The following PTPRT variants were observed in gnomAD, a reference collection of about 807,000 sequenced individuals.
PTPRT encodes the protein receptor-type tyrosine-protein phosphatase T.
A neutral mutation model predicts 176.8 loss-of-function variants in PTPRT; 56 were observed. That is an observed-to-expected ratio of 0.32 (90% CI 0.26 to 0.40). PTPRT has a LOEUF of 0.40. PTPRT is among the 10% of genes least tolerant of loss of function. The pLI, the probability that PTPRT is intolerant of heterozygous loss-of-function variation, is 1.00. For synonymous variants in PTPRT, 783 were observed against 739.0 expected (o/e 1.06, Z -0.96); for missense variants, 1,540 against 1,908.2 (o/e 0.81, Z 3.60).
intron 7 of PTPRT, among the ~76,000 whole-genome samples, chr20:42,621,236 C>T (rs1017099229): frequency 1.3e-5 from 2 of 152,184 alleles, no homozygotes; most frequent in African/African-American, 4.8e-5. Flanking sequence ...TCCAGCTCCT[C>T]GGGCCTTGCC....
chr20:43,121,205 G>A, intron 1 of PTPRT, among the ~76,000 whole-genome samples: 1 of 151,784 alleles, frequency 6.6e-6, no homozygotes, highest in East Asian at 1.9e-4. Flanking sequence ...CATTATCTTT[G>A]CTGGATGGTA....
the PTPRT span, among the ~76,000 whole-genome samples, chr20:42,050,807 G>A: frequency 6.6e-6 from 1 of 152,180 alleles, no homozygotes; most frequent in Admixed American, 6.5e-5. Flanking sequence ...GAGCAGCTGA[G>A]GCTGCTGTGC....
At chr20:42,867,023 T>C (rs933666824) in intron 2 of PTPRT, among the ~76,000 whole-genome samples, 6 of 152,236 alleles carry the variant, frequency 3.9e-5, no homozygotes, top group African/African-American at 1.4e-4. Context: ...CATCCTACCA[T>C]GTAAGGACTA....
chr20:42,487,811 G>A (rs905582614), intron 7 of PTPRT, among the ~76,000 whole-genome samples: 4 of 152,152 alleles, frequency 2.6e-5, no homozygotes, highest in South Asian at 2.1e-4. Flanking sequence ...TTGTTATAGC[G>A]GCAAGACGAA....
intron 1 of PTPRT, among the ~76,000 whole-genome samples, chr20:43,080,702 C>T (rs892147193): frequency 1.8e-4 from 27 of 152,318 alleles, no homozygotes; most frequent in Middle Eastern, 6.8e-3. Context: ...CAACTAGTTA[C>T]CACCAACAGG....
chr20:42,801,764 A>C (rs898268481), intron 2 of PTPRT, among the ~76,000 whole-genome samples: 4 of 152,226 alleles, frequency 2.6e-5, no homozygotes, highest in African/African-American at 9.6e-5. Flanking sequence ...TAGGTGTCAG[A>C]CAGGGGAAAA....
intron 1 of PTPRT, among the ~76,000 whole-genome samples, chr20:43,002,035 C>T (rs1410851109): frequency 2.0e-5 from 3 of 152,200 alleles, no homozygotes; most frequent in East Asian, 1.9e-4. Flanking sequence ...ATTATGGGGG[C>T]GGCTTCCCCC....
chr20:42,752,993 G>A (rs1438517393), intron 6 of PTPRT, among the ~76,000 whole-genome samples: 1 of 152,176 alleles, frequency 6.6e-6, no homozygotes, highest in African/African-American at 2.4e-5. Context: ...GGCAGGGGGT[G>A]AGGGTAGGTT....
the PTPRT span, among the ~76,000 whole-genome samples, chr20:42,066,261 C>T: frequency 3.3e-5 from 5 of 151,882 alleles, no homozygotes; most frequent in East Asian, 1.9e-4. Context: ...AGGCTGGTCT[C>T]GAACTCCTGA....
At chr20:42,386,601 G>T (rs1441849691) in intron 9 of PTPRT, among the ~76,000 whole-genome samples, 1 of 152,114 alleles carries the variant, frequency 6.6e-6, no homozygotes, top group Non-Finnish European at 1.5e-5. Context: ...ATCCTGCAAA[G>T]TAAGAATTAT....
At chr20:42,072,122 C>G (rs1982371132), downstream of PTPRT, among the ~76,000 whole-genome samples, 1 of 152,022 alleles carries the variant, frequency 6.6e-6, no homozygotes, top group African/African-American at 2.4e-5. Context: ...TGGACTTTCT[C>G]TCTCTCATGC....
At chr20:42,635,890 T>C (rs1298144388) in intron 7 of PTPRT, among the ~76,000 whole-genome samples, 1 of 152,088 alleles carries the variant, frequency 6.6e-6, no homozygotes, top group Non-Finnish European at 1.5e-5. Context: ...GCAAGCTGAG[T>C]GTCCACATTG....
At chr20:42,494,115 G>GA (rs1360542615) in intron 7 of PTPRT, among the ~76,000 whole-genome samples, 1 of 152,064 alleles carries the variant, frequency 6.6e-6, no homozygotes, top group East Asian at 1.9e-4. Context: ...AGAGTAAAGA[G>GA]AGAGAAGCAG....
chr20:43,002,013 G>C (rs1223514172), intron 1 of PTPRT, among the ~76,000 whole-genome samples: 1 of 152,188 alleles, frequency 6.6e-6, no homozygotes, highest in East Asian at 1.9e-4. Context: ...AGACCTGGTA[G>C]GAAGTTATTG....
intron 12 of PTPRT, among the ~76,000 whole-genome samples, chr20:42,305,469 A>G (rs1053999041): frequency 6.6e-6 from 1 of 151,268 alleles, no homozygotes; most frequent in African/African-American, 2.5e-5. Context: ...ATATGCACAT[A>G]TGCTGAATTC....
At chr20:42,881,597 C>T (rs975304395) in intron 2 of PTPRT, among the ~76,000 whole-genome samples, 3 of 151,842 alleles carry the variant, frequency 2.0e-5, no homozygotes, top group African/African-American at 4.8e-5. Context: ...TGGCGATGTG[C>T]GCCTGTAGTC....
In PTPRT at chr20:42,199,230, C is replaced by A. The variant is rs761669184; in HGVS notation, c.2491+10G>T. On this transcript the variant is annotated intron_variant, in intron 16 of 30. Transcript: ENST00000373187. ...CGGATGTCCCCTTCCCCTTTGTTGG[C>A]TCTACTTACTGAATCCGTTGACGTC... The A allele has an allele frequency of 2.5e-6, 4 of 1,613,362 alleles. No homozygotes were observed. The highest frequency in any genetic ancestry group is 1.1e-5 in the South Asian group (1 of 90,960).
intron 16 of PTPRT, among the ~76,000 whole-genome samples, chr20:42,186,833 G>C (rs1265158617): frequency 6.6e-6 from 1 of 152,088 alleles, no homozygotes; most frequent in Non-Finnish European, 1.5e-5. Flanking sequence ...GATGGAGGTA[G>C]TGGATATAGA....
chr20:42,283,790 G>T (rs1267245883), intron 12 of PTPRT, among the ~76,000 whole-genome samples: 1 of 152,070 alleles, frequency 6.6e-6, no homozygotes, highest in African/African-American at 2.4e-5. Context: ...GTGAGATGGG[G>T]AAATGGAATC....
Sources: allele counts gnomAD v4.1 joint callset (sites outside exome capture counted in the v4.1 genomes callset), GRCh38; gene constraint gnomAD v4.1.1; transcripts MANE v1.5; gene names NCBI Gene and HGNC (gene_info 2026-07-23, HGNC 2026-07-21).